Variants in TRPM3 observed in about 807,000 individuals in gnomAD.
The protein encoded by TRPM3 is transient receptor potential cation channel subfamily M member 3.
Under a neutral mutation model 181.2 loss-of-function variants are expected in TRPM3, and 77 were observed. The ratio of observed to expected loss-of-function variants is 0.42; its 90% CI spans 0.35 to 0.51. TRPM3 has a LOEUF of 0.51. TRPM3 is among the 20% of genes least tolerant of loss of function. The probability of loss-of-function intolerance (pLI) is 0.01; values close to 1 mark genes in which losing one functional copy is unlikely to be tolerated. For synonymous variants in TRPM3, 745 were observed against 796.4 expected, an observed-to-expected ratio of 0.94 and a Z score of 1.09; for missense variants, 1,759 against 2,196.7, an observed-to-expected ratio of 0.80 and a Z score of 3.98.
At chr9:70,619,897 G>A (rs1228106187) in intron 16 of TRPM3, among the ~76,000 whole-genome samples, 179 bp downstream of exon 16, 1 of 152,118 alleles carries the variant, frequency 6.6e-6, no homozygotes, top group African/African-American at 2.4e-5. Flanking sequence ...GTTTCTGTAG[G>A]TACCACCATC....
At chr9:70,648,035 T>TATAA (rs1460719446) in intron 9 of TRPM3, among the ~76,000 whole-genome samples, 1 of 152,174 alleles carries the variant, frequency 6.6e-6, no homozygotes, top group Non-Finnish European at 1.5e-5. Context: ...CTGTTGAAAG[T>TATAA]AATCAGAGAC....
chr9:70,552,385 G>A (rs1441162837), intron 24 of TRPM3, among the ~76,000 whole-genome samples: 1 of 152,166 alleles, frequency 6.6e-6, no homozygotes, highest in Non-Finnish European at 1.5e-5. Flanking sequence ...AGCTGGGCTG[G>A]TCTTCTCATG....
intron 1 of TRPM3, among the ~76,000 whole-genome samples, chr9:71,272,120 A>T (rs180747004): frequency 2.0e-3 from 300 of 152,312 alleles, no homozygotes; most frequent in Non-Finnish European, 2.9e-3. Flanking sequence ...GTAAATATAA[A>T]TTGAATTGAG....
intron 1 of TRPM3, among the ~76,000 whole-genome samples, chr9:71,076,211 T>G (rs1207699125): frequency 6.6e-6 from 1 of 152,166 alleles, no homozygotes; most frequent in African/African-American, 2.4e-5. Flanking sequence ...TTTGTTAAAC[T>G]GCGGTCAGCT....
At position 71,325,700 on chromosome 9, in the gene TRPM3, C is replaced by T. The variant is rs186285887; in HGVS notation, c.183+120953G>A. Among the ~76,000 whole-genome samples the T allele has an allele frequency of 3.1e-3, 466 of 152,156 alleles. 3 individuals are homozygous for T. The highest frequency in any genetic ancestry group is 9.5e-3 in the African/African-American group (395 of 41,504). On this transcript the variant is annotated intron_variant, in intron 1 of 24. Transcript: ENST00000357533. ...CAAAACCTACAAAGGCATAAACTCCCTTCTTTCTTCTCAACGATCCTGACA... is the reference window on the plus strand; with the variant it reads ...CAAAACCTACAAAGGCATAAACTCCTTTCTTTCTTCTCAACGATCCTGACA...
At chr9:70,773,416 A>G (rs1481821106) in intron 7 of TRPM3, among the ~76,000 whole-genome samples, 1 of 152,234 alleles carries the variant, frequency 6.6e-6, no homozygotes, top group African/African-American at 2.4e-5. Flanking sequence ...AGGCTGATGC[A>G]TGTAGAAGCT....
intron 1 of TRPM3, among the ~76,000 whole-genome samples, chr9:71,420,335 G>A (rs1171070199): frequency 6.6e-6 from 1 of 151,884 alleles, no homozygotes; most frequent in African/African-American, 2.4e-5. Flanking sequence ...TGACGGATTT[G>A]TCTTATATAA....
At position 70,535,143 on chromosome 9, in the gene TRPM3, C is replaced by A; in HGVS notation, c.*810G>T. 9.8e-6 allele frequency: 3 copies of A among 306,010 alleles called. No homozygotes were observed. The highest frequency in any genetic ancestry group is 5.9e-6 in the Non-Finnish European group (1 of 168,524). 19.0% of individuals were successfully genotyped at this position (306,010 alleles called of 1,614,324 possible). ...AAATATAAAATTATTTAATTACATT[C>A]TCCTGAGCTTGCTCGACTAGACTTG... On this transcript the variant is annotated 3_prime_UTR_variant, in exon 26 of 26. Coordinates refer to ENST00000677713, the MANE Select transcript of TRPM3 (RefSeq NM_001366145.2).
chr9:71,263,343 T>C (rs2083187783), intron 1 of TRPM3, among the ~76,000 whole-genome samples: 2 of 152,304 alleles, frequency 1.3e-5, no homozygotes, highest in Admixed American at 1.3e-4. Flanking sequence ...AGATGAAATT[T>C]AAAGAAATGA....
chr9:71,225,669 T>C (rs930611462), intron 1 of TRPM3, among the ~76,000 whole-genome samples: 1 of 152,108 alleles, frequency 6.6e-6, no homozygotes, highest in African/African-American at 2.4e-5. Context: ...ACTATAACTT[T>C]TCTTTTTTGA....
intron 22 of TRPM3, among the ~76,000 whole-genome samples, chr9:70,574,421 GCA>G (rs1341902745): frequency 1.2e-4 from 19 of 152,116 alleles, no homozygotes; most frequent in Admixed American, 1.2e-3. Flanking sequence ...TCTTTCCCTC[GCA>G]AATTCCTCCT....
intron 1 of TRPM3, among the ~76,000 whole-genome samples, chr9:71,077,231 G>A (rs936261628): frequency 6.6e-6 from 1 of 152,116 alleles, no homozygotes; most frequent in Non-Finnish European, 1.5e-5. Context: ...AGGAATCTAC[G>A]TTTCGAAGTT....
chr9:70,588,133 C>T (rs2057466544), intron 22 of TRPM3, among the ~76,000 whole-genome samples: 1 of 152,172 alleles, frequency 6.6e-6, no homozygotes, highest in Non-Finnish European at 1.5e-5. Context: ...TACAGCGACT[C>T]CATTTTCTTT....
At position 71,237,069 on chromosome 9, in the gene TRPM3, GA is replaced by G. The variant is rs3041693; in HGVS notation, c.183+209583del. Reference sequence around the variant, plus strand: ...CAAAAAAAAAAAAAAAAGGGGGGGGGAAAAAAAGAAAGGAAAGGGAAGGGGG... The same window carrying G: ...CAAAAAAAAAAAAAAAAGGGGGGGGGAAAAAAGAAAGGAAAGGGAAGGGGG... On this transcript the variant is annotated intron_variant, in intron 1 of 24. Coordinates refer to the TRPM3 transcript ENST00000357533. Among the ~76,000 whole-genome samples the G allele has an allele frequency of 3.4e-4, 45 of 134,176 alleles. 1 individual carries two copies. Among genetic ancestry groups the G allele is most frequent in the East Asian group, 8.7e-4 (4 of 4,604 alleles). The allele number at this position is 134,176 out of a possible 152,430, so 88.0% of individuals were successfully genotyped here.
intron 1 of TRPM3, among the ~76,000 whole-genome samples, chr9:71,053,516 A>G (rs2060301173): frequency 6.6e-6 from 1 of 152,152 alleles, no homozygotes. Context: ...AACCCGCTCA[A>G]TGTGTATGAA....
intron 8 of TRPM3, among the ~76,000 whole-genome samples, chr9:70,683,428 CTTTTTTTTTTTTT>C (rs575176948): frequency 9.4e-4 from 54 of 57,472 alleles, no homozygotes; most frequent in Non-Finnish European, 1.4e-3. Flanking sequence ...TCTCTCTCTC[CTTTTTTTTTTTTT>C]TTTTTTTTTT....
chr9:71,017,728 A>AATTATTATG (rs1473203597), intron 1 of TRPM3, among the ~76,000 whole-genome samples: 1 of 151,878 alleles, frequency 6.6e-6, no homozygotes, highest in Non-Finnish European at 1.5e-5. Flanking sequence ...AAAAGATAGA[A>AATTATTATG]ATTCCATAAT....
intron 1 of TRPM3, among the ~76,000 whole-genome samples, chr9:71,136,768 G>C (rs2074791485): frequency 6.6e-6 from 1 of 152,170 alleles, no homozygotes; most frequent in South Asian, 2.1e-4. Flanking sequence ...TTCAGCCACA[G>C]AAGTAAGAGA....
chr9:71,055,833 A>T (rs2060595230), intron 1 of TRPM3, among the ~76,000 whole-genome samples: 1 of 152,046 alleles, frequency 6.6e-6, no homozygotes, highest in Non-Finnish European at 1.5e-5. Flanking sequence ...TGCCTTTGAC[A>T]GACAATATAG....
Sources: gnomAD v4.1 joint callset for allele counts (sites outside exome capture counted in the v4.1 genomes callset) on GRCh38, gnomAD v4.1.1 for gene constraint, MANE v1.5 for transcripts, NCBI Gene and HGNC (gene_info 2026-07-23, HGNC 2026-07-21) for gene names.